The following RABGAP1L variants were observed in gnomAD, a reference collection of about 807,000 sequenced individuals.
The protein encoded by RABGAP1L is RAB GTPase activating protein 1 like.
Under a neutral mutation model 137.7 loss-of-function variants are expected in RABGAP1L, and 63 were observed. The ratio of observed to expected loss-of-function variants is 0.46; its 90% confidence interval spans 0.37 to 0.56. The LOEUF (loss-of-function observed/expected upper bound fraction) is 0.56, where lower values mean the gene tolerates loss of function less well. RABGAP1L is among the 20% of genes least tolerant of loss of function. The probability of loss-of-function intolerance (pLI) is 0.00; values close to 1 mark genes in which losing one functional copy is unlikely to be tolerated. For synonymous variants in RABGAP1L, 431 were observed against 433.7 expected (o/e 0.99, Z 0.08); for missense variants, 1,095 against 1,244.0 (o/e 0.88, Z 1.80).
chr1:174,424,424 G>A (rs1651716187), intron 13 of RABGAP1L, among the ~76,000 whole-genome samples: 1 of 152,012 alleles, frequency 6.6e-6, no homozygotes, highest in South Asian at 2.1e-4. Context: ...TTCTGTTTCT[G>A]TAGTTATTAA....
chr1:174,744,430 G>A (rs556549227), intron 17 of RABGAP1L, among the ~76,000 whole-genome samples: 23 of 152,298 alleles, frequency 1.5e-4, no homozygotes, highest in Non-Finnish European at 3.1e-4. Flanking sequence ...ATAGCAGCAA[G>A]AAATTTATCA....
chr1:174,772,283 A>C (rs1419383299), intron 18 of RABGAP1L, among the ~76,000 whole-genome samples: 1 of 152,074 alleles, frequency 6.6e-6, no homozygotes, highest in Non-Finnish European at 1.5e-5. Flanking sequence ...ACGTAACATA[A>C]AATGTACAAT....
chr1:174,725,734 T>A (rs1416220560), intron 17 of RABGAP1L, among the ~76,000 whole-genome samples: 1 of 152,182 alleles, frequency 6.6e-6, no homozygotes, highest in Non-Finnish European at 1.5e-5. Flanking sequence ...TCGTTTATAC[T>A]GTAACAGTGT....
chr1:174,239,495 T>G (rs1485695908), intron 4 of RABGAP1L, among the ~76,000 whole-genome samples: 2 of 152,224 alleles, frequency 1.3e-5, no homozygotes, highest in East Asian at 3.8e-4. Context: ...TTGTTTCATC[T>G]TAGTAAACAT....
At chr1:174,369,542 A>G (rs892616436) in intron 11 of RABGAP1L, among the ~76,000 whole-genome samples, 4 of 152,228 alleles carry the variant, frequency 2.6e-5, no homozygotes, top group African/African-American at 9.6e-5. Context: ...TAAATAAAAA[A>G]TTATAAATGT....
intron 7 of RABGAP1L, among the ~76,000 whole-genome samples, chr1:174,255,553 C>T (rs1450957180): frequency 1.3e-5 from 2 of 152,164 alleles, no homozygotes; most frequent in Non-Finnish European, 2.9e-5. Flanking sequence ...GAGACAAAGT[C>T]TCGCTCTGTC....
chr1:174,518,285 G>T (rs1050369207), intron 13 of RABGAP1L, among the ~76,000 whole-genome samples: 4 of 152,088 alleles, frequency 2.6e-5, no homozygotes, highest in Non-Finnish European at 5.9e-5. Flanking sequence ...GCCTCCCTCA[G>T]TATCTAGGGG....
At chr1:174,540,173 T>G (rs927873964) in intron 13 of RABGAP1L, among the ~76,000 whole-genome samples, 1 of 152,148 alleles carries the variant, frequency 6.6e-6, no homozygotes, top group Non-Finnish European at 1.5e-5. Context: ...GTTTAAGTTC[T>G]TTGTAGATTC....
At chr1:174,175,492 CTTT>C (rs771691150) in intron 1 of RABGAP1L, among the ~76,000 whole-genome samples, 4 of 137,164 alleles carry the variant, frequency 2.9e-5, no homozygotes, top group African/African-American at 2.7e-5. Context: ...TTTCTTTTTT[CTTT>C]TTTTTTTTTT....
intron 13 of RABGAP1L, among the ~76,000 whole-genome samples, chr1:174,485,211 ATTTG>A (rs1415057179): frequency 6.6e-6 from 1 of 152,116 alleles, no homozygotes; most frequent in Non-Finnish European, 1.5e-5. Flanking sequence ...ACTTTATTGA[ATTTG>A]TTTATCAGTT....
chr1:174,427,388 TTCTC>T (rs1044238043), intron 13 of RABGAP1L, among the ~76,000 whole-genome samples: 50 of 152,286 alleles, frequency 3.3e-4, no homozygotes, highest in African/African-American at 1.1e-3. Flanking sequence ...GCAACTTCAT[TTCTC>T]TCTTAAGCAT....
chr1:174,615,509 C>T (rs562157184), intron 13 of RABGAP1L, among the ~76,000 whole-genome samples: 162 of 152,304 alleles, frequency 1.1e-3, no homozygotes, highest in Non-Finnish European at 1.9e-3. Flanking sequence ...CCCAGTTAGG[C>T]TTCTCAGGGG....
At chr1:174,432,050 T>C (rs538824003) in intron 13 of RABGAP1L, among the ~76,000 whole-genome samples, 1 of 152,294 alleles carries the variant, frequency 6.6e-6, no homozygotes, top group South Asian at 2.1e-4. Flanking sequence ...GGGGTATGGT[T>C]GATCCCTTCA....
At chr1:174,977,711 C>T (rs1366676389) in intron 22 of RABGAP1L, among the ~76,000 whole-genome samples, 1 of 152,200 alleles carries the variant, frequency 6.6e-6, no homozygotes, top group South Asian at 2.1e-4. Flanking sequence ...CTCAAAGACT[C>T]TCAGCCAGCC....
chr1:174,569,426 A>G (rs1385484189), intron 13 of RABGAP1L, among the ~76,000 whole-genome samples: 1 of 152,156 alleles, frequency 6.6e-6, no homozygotes, highest in African/African-American at 2.4e-5. Context: ...TAAAGCAGGG[A>G]GGGAGCTGGA....
intron 13 of RABGAP1L, among the ~76,000 whole-genome samples, chr1:174,531,658 A>G (rs1224312985): frequency 6.8e-6 from 1 of 146,964 alleles, no homozygotes; most frequent in Non-Finnish European, 1.5e-5. Context: ...GCTTTAAGCT[A>G]GGAATTTGAG....
At chr1:174,905,581 T>C (rs1441146805) in intron 19 of RABGAP1L, among the ~76,000 whole-genome samples, 1 of 152,090 alleles carries the variant, frequency 6.6e-6, no homozygotes, top group Admixed American at 6.6e-5. Context: ...CTGGGTGTGG[T>C]GGCTCATGCC....
At chr1:174,192,523 A>T (rs558431530) in intron 1 of RABGAP1L, among the ~76,000 whole-genome samples, 2 of 152,186 alleles carry the variant, frequency 1.3e-5, no homozygotes, top group Admixed American at 6.5e-5. Flanking sequence ...GGGTTTTACC[A>T]TCTTGCCAGA....
intron 13 of RABGAP1L, among the ~76,000 whole-genome samples, chr1:174,523,858 G>A (rs1212102964): frequency 6.6e-6 from 1 of 152,076 alleles, no homozygotes; most frequent in East Asian, 1.9e-4. Flanking sequence ...AAGTTTTGTA[G>A]CTTTCACATA....
Sources: allele counts gnomAD v4.1 joint callset (sites outside exome capture counted in the v4.1 genomes callset), GRCh38; gene constraint gnomAD v4.1.1; transcripts MANE v1.5; gene names NCBI Gene and HGNC (gene_info 2026-07-23, HGNC 2026-07-21).